The following TMCO4 variants were observed in gnomAD, a reference collection of about 807,000 sequenced individuals.
TMCO4 encodes transmembrane and coiled-coil domain-containing protein 4.
TMCO4 carries 58 observed loss-of-function variants against 64.7 expected under a neutral mutation model. The observed-to-expected ratio is 0.90, with a 90% CI of 0.73 to 1.12. The LOEUF is 1.12. Among genes scored for constraint, TMCO4 ranks in the 50% most tolerant of loss-of-function variants. The pLI is 0.00. For synonymous variants in TMCO4, 325 were observed against 346.1 expected (o/e 0.94, Z 0.68); for missense variants, 780 against 825.9 (o/e 0.94, Z 0.68).
At chr1:19,773,118 G>C (rs1259061257) in intron 4 of TMCO4, among the ~76,000 whole-genome samples, 1 of 152,170 alleles carries the variant, frequency 6.6e-6, no homozygotes, top group Non-Finnish European at 1.5e-5. Context: ...TGAACCCAGG[G>C]GCGGCGGTTG....
At chr1:19,787,598 C>G (rs937836706) in intron 2 of TMCO4, among the ~76,000 whole-genome samples, 1 of 152,148 alleles carries the variant, frequency 6.6e-6, no homozygotes, top group South Asian at 2.1e-4. Flanking sequence ...TTCTCACATG[C>G]CAATGGAGCA....
intron 2 of TMCO4, among the ~76,000 whole-genome samples, chr1:19,788,764 G>A (rs778570270): frequency 2.0e-5 from 3 of 152,178 alleles, no homozygotes; most frequent in Non-Finnish European, 4.4e-5. Flanking sequence ...TATACAATAT[G>A]ACTCTAGTTA....
chr1:19,686,348 A>T (rs1443896997), intron 15 of TMCO4, among the ~76,000 whole-genome samples: 3 of 152,148 alleles, frequency 2.0e-5, no homozygotes, highest in Admixed American at 6.5e-5. Context: ...CTTTCTTTTT[A>T]AAAAAAGGAC....
intron 7 of TMCO4, among the ~76,000 whole-genome samples, chr1:19,748,506 T>C (rs942217839): frequency 6.6e-6 from 1 of 152,166 alleles, no homozygotes; most frequent in Non-Finnish European, 1.5e-5. Context: ...TATTGAGAAA[T>C]AGCTTCTTCT....
chr1:19,682,245 CTTATTA>C lies in TMCO4; in HGVS notation c.*789_*794del, dbSNP rs2095107984. ...CATGCTCAAGAAGTGGTAGCTTCTT[CTTATTA>C]TTATTTATTGCTGTTGTTATCCCCT... On this transcript the variant is annotated 3_prime_UTR_variant, in exon 16 of 16. Coordinates refer to ENST00000294543, the MANE Select transcript of TMCO4 (RefSeq NM_181719.7). 5.2e-6 allele frequency: 1 copy of C among 193,414 alleles called. No homozygotes were observed. The highest frequency in any genetic ancestry group is 1.1e-5 in the Non-Finnish European group (1 of 92,140). 12.0% of individuals were successfully genotyped at this position (193,414 alleles called of 1,614,324 possible).
At chr1:19,784,469 G>A (rs1044109043) in intron 3 of TMCO4, among the ~76,000 whole-genome samples, 1 of 152,164 alleles carries the variant, frequency 6.6e-6, no homozygotes, top group Admixed American at 6.5e-5. Flanking sequence ...GGGAGGCAGA[G>A]GTTGCAGTGA....
chr1:19,799,647 G>A (rs997777544), intron 1 of TMCO4, among the ~76,000 whole-genome samples: 3 of 152,214 alleles, frequency 2.0e-5, no homozygotes, highest in African/African-American at 4.8e-5. Flanking sequence ...CCAACCACCA[G>A]CAGGCGGCCT....
chr1:19,706,662 T>G (rs1443709149), intron 13 of TMCO4, among the ~76,000 whole-genome samples: 1 of 152,230 alleles, frequency 6.6e-6, no homozygotes, highest in Non-Finnish European at 1.5e-5. Flanking sequence ...CTATTATAAC[T>G]TTGGCATTAA....
At chr1:19,770,725 GAAGA>G (rs2042943288) in intron 5 of TMCO4, among the ~76,000 whole-genome samples, 156 bp from the exon 6 acceptor site, 1 of 152,196 alleles carries the variant, frequency 6.6e-6, no homozygotes, top group Non-Finnish European at 1.5e-5. Context: ...ACAGGCAAGC[GAAGA>G]AAGAAATACA....
At chr1:19,693,835 C>A (rs1399669099) in intron 15 of TMCO4, among the ~76,000 whole-genome samples, 1 of 152,190 alleles carries the variant, frequency 6.6e-6, no homozygotes, top group Non-Finnish European at 1.5e-5. Context: ...CCAGCTGCTT[C>A]TCGCAGAAAC....
intron 6 of TMCO4, among the ~76,000 whole-genome samples, chr1:19,757,163 G>C (rs2042296549): frequency 1.3e-5 from 2 of 151,316 alleles, no homozygotes; most frequent in Non-Finnish European, 2.9e-5. Flanking sequence ...TGGTGGCGGG[G>C]GGGGGCGCCT....
At chr1:19,793,182 C>T (rs2044138347) in intron 2 of TMCO4, among the ~76,000 whole-genome samples, 1 of 151,972 alleles carries the variant, frequency 6.6e-6, no homozygotes, top group Non-Finnish European at 1.5e-5. Context: ...CTGGACCCCA[C>T]CAGGCTTTCT....
intron 13 of TMCO4, among the ~76,000 whole-genome samples, chr1:19,724,142 C>T (rs1013584844): frequency 6.6e-6 from 1 of 152,178 alleles, no homozygotes; most frequent in East Asian, 1.9e-4. Flanking sequence ...GTAACTCACT[C>T]CCCTGAGAGC....
chr1:19,696,818 T>G lies in TMCO4; in HGVS notation c.1383-2267A>C, dbSNP rs976436101. ...TGTGAATTACATGTATTTATACACA[T>G]GTAGGGGCAGAGCAGGAACACAGAT... On this transcript the variant is annotated intron_variant, in intron 14 of 15. Coordinates refer to ENST00000294543, the MANE Select transcript of TMCO4 (RefSeq NM_181719.7). Among the ~76,000 whole-genome samples, 6 of 152,164 alleles carry G rather than the reference T, an allele frequency of 3.9e-5. No homozygotes were observed. The East Asian group carries it at 1.2e-3, about 29-fold the overall frequency.
At chr1:19,764,305 C>T (rs988297871) in intron 6 of TMCO4, among the ~76,000 whole-genome samples, 13 of 152,332 alleles carry the variant, frequency 8.5e-5, no homozygotes, top group East Asian at 5.8e-4. Flanking sequence ...TCATTCTCTG[C>T]GCTGCAGTTT....
intron 13 of TMCO4, among the ~76,000 whole-genome samples, chr1:19,729,457 A>C (rs189914642): frequency 1.7e-4 from 26 of 150,768 alleles, no homozygotes; most frequent in African/African-American, 5.8e-4. Flanking sequence ...CAATAATTTA[A>C]TTGTACATTT....
At chr1:19,758,516 GTGTGATTAACATTCC>G (rs2100957682) in intron 6 of TMCO4, among the ~76,000 whole-genome samples, 1 of 152,340 alleles carries the variant, frequency 6.6e-6, no homozygotes, top group African/African-American at 2.4e-5. Flanking sequence ...CTGGGTGCAT[GTGTGATTAACATTCC>G]TGTGGTAATC....
intron 13 of TMCO4, among the ~76,000 whole-genome samples, chr1:19,730,108 G>C (rs1278935570): frequency 6.6e-6 from 1 of 152,242 alleles, no homozygotes; most frequent in African/African-American, 2.4e-5. Context: ...TGACCACATG[G>C]TAGGAAGGCA....
rs1032333905 is a variant in TMCO4 at position 19,691,119 on chromosome 1, T to C, written c.1500+3315A>G. On this transcript the variant is annotated intron_variant, in intron 15 of 15. Coordinates refer to ENST00000294543, the MANE Select transcript of TMCO4 (RefSeq NM_181719.7). ...TCCTGACCTCGTGATCTGCCCGCCT[T>C]GGCCTCCCAAAGTGCTGGGATTACA... Among the ~76,000 whole-genome samples, 22 of 152,078 alleles carry C rather than the reference T, an allele frequency of 1.4e-4. 1 individual carries two copies. The highest frequency in any genetic ancestry group is 5.9e-5 in the Non-Finnish European group (4 of 68,002).
Sources: gnomAD v4.1 joint callset for allele counts (sites outside exome capture counted in the v4.1 genomes callset) on GRCh38, gnomAD v4.1.1 for gene constraint, MANE v1.5 for transcripts, NCBI Gene and HGNC (gene_info 2026-07-23, HGNC 2026-07-21) for gene names.